The following ALKBH3 variants were observed in gnomAD, a reference collection of about 807,000 sequenced individuals.
ALKBH3 encodes alpha-ketoglutarate-dependent dioxygenase alkB homolog 3.
In ALKBH3, 51 loss-of-function variants were observed where a neutral mutation model predicts 43.9. That is an observed-to-expected ratio of 1.16 (90% confidence interval 0.93 to 1.47). The LOEUF (loss-of-function observed/expected upper bound fraction) is 1.47, where lower values mean the gene tolerates loss of function less well. Among genes scored for constraint, ALKBH3 ranks in the 40% most tolerant of loss-of-function variants. The pLI is 0.00. For missense variants in ALKBH3, 361 were observed against 351.9 expected, an observed-to-expected ratio of 1.03 and a Z score of -0.21; for synonymous variants, 102 against 115.2, an observed-to-expected ratio of 0.89 and a Z score of 0.73.
Position 43,900,215 on chromosome 11 carries a change from A to ATTTT in ALKBH3, c.460-1278_460-1275dup, listed in dbSNP as rs34274072. Among the ~76,000 whole-genome samples the ATTTT allele has an allele frequency of 2.2e-3, 190 of 86,894 alleles. 5 individuals carry two copies. Among genetic ancestry groups the ATTTT allele is most frequent in the Middle Eastern group, 0.011 (1 of 92 alleles). 57.0% of individuals were successfully genotyped at this position (86,894 alleles called of 152,430 possible). Reference sequence around the variant, plus strand: ...ATTGCATTTTTTTTATTTTAATTTAATTTTTTTTTTTTTTTTTTTTTTTTT... The same window carrying ATTTT: ...ATTGCATTTTTTTTATTTTAATTTAATTTTTTTTTTTTTTTTTTTTTTTTTTTTT... On this transcript the variant is annotated intron_variant, in intron 7 of 9. Coordinates refer to ENST00000302708, the MANE Select transcript of ALKBH3 (RefSeq NM_139178.4).
At chr11:43,896,748 G>A (rs959778589) in intron 7 of ALKBH3, among the ~76,000 whole-genome samples, 5 of 152,034 alleles carry the variant, frequency 3.3e-5, no homozygotes, top group Non-Finnish European at 7.4e-5. Flanking sequence ...TGAGATCAGT[G>A]GTAATATTGT....
Position 43,886,654 on chromosome 11 carries a change from G to A in ALKBH3, c.266+1G>A, listed in dbSNP as rs766566655. 6.2e-7 allele frequency: 1 copy of A among 1,613,754 alleles called. No individual in the cohort carries two copies. The highest frequency in any genetic ancestry group is 1.7e-5 in the Admixed American group (1 of 60,002). On this transcript the variant is annotated splice_donor_variant, in intron 5 of 9. Transcript: ENST00000302708. LOFTEE classifies it high-confidence loss of function. ...GCCTGTCACCCACAGGTGTATCTAG[G>A]TAAGCAAATCCTCACAAGAAGTGAC...
At chr11:43,903,494 C>G (rs961490258) in intron 8 of ALKBH3, among the ~76,000 whole-genome samples, 1 of 152,152 alleles carries the variant, frequency 6.6e-6, no homozygotes, top group Non-Finnish European at 1.5e-5. Context: ...GTCCTGAGAC[C>G]GGGGGCCGTA....
At chr11:43,897,318 G>A (rs1951826360) in intron 7 of ALKBH3, 1 of 622,394 alleles carries the variant, frequency 1.6e-6, no homozygotes, top group African/African-American at 1.8e-5. Context: ...ATTCTGACAA[G>A]AACTAGACTT....
At chr11:43,896,304 T>C (rs1473025634) in intron 7 of ALKBH3, among the ~76,000 whole-genome samples, 1 of 148,840 alleles carries the variant, frequency 6.7e-6, no homozygotes, top group Admixed American at 6.6e-5. Context: ...CACACACGTA[T>C]ATATATAAAG....
chr11:43,915,315 A>G (rs1427043249), intron 8 of ALKBH3, among the ~76,000 whole-genome samples: 1 of 152,122 alleles, frequency 6.6e-6, no homozygotes, highest in Non-Finnish European at 1.5e-5. Context: ...GTCAGTTGAT[A>G]ATGTTCAGCC....
At chr11:43,907,240 T>G (rs1258436661) in intron 8 of ALKBH3, among the ~76,000 whole-genome samples, 1 of 152,018 alleles carries the variant, frequency 6.6e-6, no homozygotes, top group Non-Finnish European at 1.5e-5. Context: ...CGTGTGTGTG[T>G]TTAAGCAGAT....
intron 8 of ALKBH3, among the ~76,000 whole-genome samples, chr11:43,917,708 C>T (rs1951995191): frequency 6.6e-6 from 1 of 152,094 alleles, no homozygotes; most frequent in African/African-American, 2.4e-5. Flanking sequence ...GCAGTGAGGG[C>T]AGGGTCACCT....
At chr11:43,918,740 G>T (rs1952003123) in intron 8 of ALKBH3, 1 of 281,364 alleles carries the variant, frequency 3.6e-6, no homozygotes, top group African/African-American at 2.2e-5. Flanking sequence ...GACACTAATA[G>T]CTAGCACTTA....
At chr11:43,901,145 C>T (rs1951861018) in intron 7 of ALKBH3, among the ~76,000 whole-genome samples, 1 of 152,204 alleles carries the variant, frequency 6.6e-6, no homozygotes, top group Admixed American at 6.5e-5. Flanking sequence ...GGCTTTGCTG[C>T]TCCACTTACC....
chr11:43,895,320 C>G (rs1390694962), intron 7 of ALKBH3, among the ~76,000 whole-genome samples: 1 of 152,190 alleles, frequency 6.6e-6, no homozygotes, highest in Non-Finnish European at 1.5e-5. Flanking sequence ...GGCATTTTCC[C>G]CCTTACTGTT....
intron 7 of ALKBH3, among the ~76,000 whole-genome samples, chr11:43,893,768 A>G (rs1951799965): frequency 6.6e-6 from 1 of 152,208 alleles, no homozygotes; most frequent in African/African-American, 2.4e-5. Flanking sequence ...TCAAATTAGA[A>G]TTCTTTAATT....
At chr11:43,914,997 G>C (rs1232436023) in intron 8 of ALKBH3, among the ~76,000 whole-genome samples, 2 of 152,018 alleles carry the variant, frequency 1.3e-5, no homozygotes, top group Non-Finnish European at 2.9e-5. Flanking sequence ...CTTGAGCCCA[G>C]GAGTTCAAGA....
chr11:43,906,882 A>C (rs1454589858), intron 8 of ALKBH3, among the ~76,000 whole-genome samples: 1 of 152,066 alleles, frequency 6.6e-6, no homozygotes, highest in Non-Finnish European at 1.5e-5. Context: ...CTTTTTTGTA[A>C]ATGGGATTGA....
At chr11:43,902,214 C>T (rs1436504451) in intron 8 of ALKBH3, among the ~76,000 whole-genome samples, 1 of 152,098 alleles carries the variant, frequency 6.6e-6, no homozygotes, top group Non-Finnish European at 1.5e-5. Context: ...ATGTTTGTTC[C>T]TTCTTAGCCT....
intron 6 of ALKBH3, among the ~76,000 whole-genome samples, chr11:43,891,292 A>G (rs964807484): frequency 2.0e-5 from 3 of 152,168 alleles, no homozygotes; most frequent in Non-Finnish European, 4.4e-5. Context: ...AATTACAGTT[A>G]AGTAACTCTC....
At chr11:43,918,461 C>A (rs972565869) in intron 8 of ALKBH3, among the ~76,000 whole-genome samples, 2 of 152,186 alleles carry the variant, frequency 1.3e-5, no homozygotes, top group Non-Finnish European at 2.9e-5. Context: ...GTTGTCTGTT[C>A]TGGAAAGAGG....
At chr11:43,912,071 C>T (rs1301096357) in intron 8 of ALKBH3, among the ~76,000 whole-genome samples, 1 of 152,040 alleles carries the variant, frequency 6.6e-6, no homozygotes, top group Non-Finnish European at 1.5e-5. Context: ...TGCAGTGAGT[C>T]GAGATCGCAC....
rs61883972 is a variant in ALKBH3 at position 43,888,237 on chromosome 11, G to A, written c.267-1488G>A. The stretch of plus-strand genomic sequence containing the variant: ...CCTCCGAGTAGCTGGGATTACAGGT[G>A]TGCGCCACCACACCTGGCTAATTTT... On this transcript the variant is annotated intron_variant, in intron 5 of 9. Transcript: ENST00000302708. Among the ~76,000 whole-genome samples, 3 of 90,586 alleles carry A rather than the reference G, an allele frequency of 3.3e-5. 1 individual carries two copies. The South Asian group carries it at 1.0e-3, about 31-fold the overall frequency. 59.4% of individuals were successfully genotyped at this position (90,586 alleles called of 152,430 possible).
Sources: allele counts gnomAD v4.1 joint callset (sites outside exome capture counted in the v4.1 genomes callset), GRCh38; gene constraint gnomAD v4.1.1; transcripts MANE v1.5; gene names NCBI Gene and HGNC (gene_info 2026-07-23, HGNC 2026-07-21).